TRPM2: variants seen among roughly 807,000 people sequenced by gnomAD.
The protein encoded by TRPM2 is transient receptor potential cation channel subfamily M member 2.
Under a neutral mutation model 174.0 loss-of-function variants are expected in TRPM2, and 161 were observed. The ratio of observed to expected loss-of-function variants is 0.93; its 90% CI spans 0.81 to 1.05. TRPM2 has a LOEUF of 1.05. TRPM2 is among the 50% of genes least tolerant of loss of function. The pLI is 0.00. For synonymous variants in TRPM2, 954 were observed against 861.3 expected (o/e 1.11, Z -1.88); for missense variants, 2,057 against 2,038.0 (o/e 1.01, Z -0.18).
chr21:44,427,163 G>A (rs755143503), intron 27 of TRPM2, 52 bp downstream of exon 27: 2 of 1,457,088 alleles, frequency 1.4e-6, no homozygotes, highest in Non-Finnish European at 1.9e-6. Flanking sequence ...GGTTTGCCTG[G>A]GGGGCAGGTT....
intron 22 of TRPM2, among the ~76,000 whole-genome samples, chr21:44,418,768 G>A (rs2050407413): frequency 6.6e-6 from 1 of 152,134 alleles, no homozygotes; most frequent in Non-Finnish European, 1.5e-5. Context: ...GGAAGGCTGG[G>A]CCCCACAGGG....
At chr21:44,419,978 GTGA>G (rs1350369635) in intron 22 of TRPM2, among the ~76,000 whole-genome samples, 1 of 151,978 alleles carries the variant, frequency 6.6e-6, no homozygotes, top group African/African-American at 2.4e-5. Flanking sequence ...TGTGGTGGTG[GTGA>G]TGATAGTGAT....
intron 27 of TRPM2, among the ~76,000 whole-genome samples, chr21:44,427,566 T>C (rs2050851396): frequency 6.6e-6 from 1 of 151,884 alleles, no homozygotes; most frequent in African/African-American, 2.4e-5. Flanking sequence ...AAAATAAAGG[T>C]GTCAAGTGTC....
intron 19 of TRPM2, among the ~76,000 whole-genome samples, chr21:44,412,203 C>T (rs931383619): frequency 1.3e-5 from 2 of 152,290 alleles, no homozygotes; most frequent in African/African-American, 4.8e-5. Context: ...GTAGAATTCA[C>T]CAGTGAACTC....
intron 8 of TRPM2, among the ~76,000 whole-genome samples, chr21:44,382,132 T>G (rs1602178338): frequency 1.3e-5 from 2 of 151,942 alleles, no homozygotes; most frequent in South Asian, 2.1e-4. Context: ...TAGATACATG[T>G]GGATGGATAG....
At chr21:44,416,903 C>T (rs920027126) in intron 20 of TRPM2, among the ~76,000 whole-genome samples, 4 of 138,966 alleles carry the variant, frequency 2.9e-5, no homozygotes, top group African/African-American at 1.1e-4. Context: ...CTCTCTGTGG[C>T]ATCACAGTGT....
intron 16 of TRPM2, 30 bp downstream of exon 16, chr21:44,401,927 A>G (rs763616002): frequency 1.9e-6 from 3 of 1,611,194 alleles, no homozygotes; most frequent in Non-Finnish European, 2.5e-6. Context: ...TCCACGCCCC[A>G]GCCCGGGGCC....
In TRPM2 at chr21:44,432,934, G is replaced by A. The variant is rs1005001346; in HGVS notation, c.3975-2197G>A. 6.6e-6 allele frequency among the ~76,000 whole-genome samples: 1 copy of A among 152,170 alleles called. No homozygotes were observed. Among genetic ancestry groups the A allele is most frequent in the Non-Finnish European group, 1.5e-5 (1 of 68,032 alleles). On this transcript the variant is annotated intron_variant, in intron 27 of 31. Transcript: ENST00000397928. This position sits in a 1 kb window ranked among gnomAD's most constrained non-coding sequence, Gnocchi z 4.9. The stretch of plus-strand genomic sequence containing the variant: ...CTTGATGTCGTGATGGAACTACCGG[G>A]CACGTGGCAGGGAGATGAGGGGTTG...
intron 2 of TRPM2, among the ~76,000 whole-genome samples, chr21:44,361,870 G>A (rs1034109878): frequency 2.6e-5 from 4 of 152,006 alleles, no homozygotes; most frequent in African/African-American, 7.2e-5. Flanking sequence ...CACCATGCCC[G>A]GTTAATTTTT....
At chr21:44,393,502 G>A (rs1411660983) in intron 11 of TRPM2, among the ~76,000 whole-genome samples, 2 of 152,020 alleles carry the variant, frequency 1.3e-5, no homozygotes, top group African/African-American at 4.8e-5. Flanking sequence ...TTATTTGGGG[G>A]GCTATATTTG....
chr21:44,441,621 G>T, intron 31 of TRPM2, 71 bp from the exon 32 acceptor site: 1 of 1,512,432 alleles, frequency 6.6e-7, no homozygotes, highest in Non-Finnish European at 8.9e-7. Flanking sequence ...CTCGAAGGCT[G>T]CAGTCCGTAG....
At chr21:44,429,490 T>C (rs989830754) in intron 27 of TRPM2, among the ~76,000 whole-genome samples, 3 of 151,958 alleles carry the variant, frequency 2.0e-5, no homozygotes, top group Admixed American at 1.3e-4. Context: ...TTTCACCATG[T>C]TGGCCAGGCT....
Position 44,376,066 on chromosome 21 carries a change from C to A in TRPM2, c.952+53C>A. On this transcript the variant is annotated intron_variant, in intron 6 of 31. Transcript: ENST00000397928. This position sits in a 1 kb window ranked among gnomAD's most constrained non-coding sequence, Gnocchi z 4.2. The stretch of plus-strand genomic sequence containing the variant: ...TGGGCAGAGAGCACAGTGGGCTGGT[C>A]AGAGTGTCAGGTACAGCTGGTCACG... 1 of 1,583,262 alleles carries A rather than the reference C, an allele frequency of 6.3e-7. No homozygotes were observed. The highest frequency in any genetic ancestry group is 1.1e-5 in the South Asian group (1 of 87,042).
chr21:44,439,282 A>T lies in TRPM2; in HGVS notation c.4269+114A>T, dbSNP rs2051400097. 1.1e-6 allele frequency: 1 copy of T among 907,246 alleles called. No individual in the cohort carries two copies. The highest frequency in any genetic ancestry group is 1.5e-5 in the South Asian group (1 of 66,730). 56.2% of individuals were successfully genotyped at this position (907,246 alleles called of 1,614,324 possible). A position where few individuals can be genotyped will look rare whatever the true frequency, so the allele number is the denominator to read the frequency against. ...CCACTGGGTGGCAGCGGTCCCACCC[A>T]GCTTCACCAGGTGACGGTGGTCCCA... On this transcript the variant is annotated intron_variant, in intron 30 of 31. Transcript: ENST00000397928. This position sits in a 1 kb window ranked among gnomAD's most constrained non-coding sequence, Gnocchi z 5.1.
Position 44,418,528 on chromosome 21 carries a change from A to G in TRPM2, c.3434A>G (p.Glu1145Gly). The G allele has an allele frequency of 1.2e-6, 2 of 1,614,114 alleles. No individual in the cohort carries two copies. Among genetic ancestry groups the G allele is most frequent in the East Asian group, 2.2e-5 (1 of 44,876 alleles). ...NRQFQQKQRP[E>G]QKIEDISNKV... ...CAGTTCCAGCAAAAGCAGCGGCCCG[A>G]GCAGAAGATCGAGGACATCAGCAAT... Residue 1145 changes from glutamate to glycine, a missense_variant, in exon 22 of 32, where the codon GAG becomes GGG. By Grantham distance (98) the Glu-to-Gly change is moderately conservative. Coordinates refer to ENST00000397928, the MANE Select transcript of TRPM2 (RefSeq NM_003307.4).
Position 44,441,763 on chromosome 21 carries a change from G to A in TRPM2, c.4458G>A (p.Ala1486=), listed in dbSNP as rs771699014. The A allele has an allele frequency of 2.6e-5, 42 of 1,611,940 alleles. No homozygotes were observed. The highest frequency in any genetic ancestry group is 8.8e-5 in the South Asian group (8 of 90,436). Residue 1486 remains alanine, a synonymous_variant, in exon 32 of 32, where the codon GCG becomes GCA. Transcript: ENST00000397928. ...QVVDRRIPLY[A]NHKTLLQKAA... is the part of the protein sequence containing the mutation. ...TGGACAGGCGCATCCCACTCTATGC[G>A]AACCACAAGACCCTCCTCCAGAAGG...
At chr21:44,436,780 A>C (rs1053979968) in intron 28 of TRPM2, among the ~76,000 whole-genome samples, 2 of 152,008 alleles carry the variant, frequency 1.3e-5, no homozygotes, top group African/African-American at 4.8e-5. Flanking sequence ...GCTGGGTCAA[A>C]GGGCAGGTAC....
At chr21:44,405,580 G>GGCTCCCTACCCACA (rs2049841000) in intron 17 of TRPM2, among the ~76,000 whole-genome samples, 1 of 152,092 alleles carries the variant, frequency 6.6e-6, no homozygotes, top group Non-Finnish European at 1.5e-5. Context: ...TCCCTACTGT[G>GGCTCCCTACCCACA]GGCTCACTGC....
In TRPM2 at chr21:44,432,165, T is replaced by TG. The variant is rs1458216493; in HGVS notation, c.3975-2960dup. ...GCTGTTGTAACTAAGTACCACAAAC[T>TG]GGGGGGCTTAACAGAAATGGATTAT... is the stretch of plus-strand genomic sequence containing the variant. On this transcript the variant is annotated intron_variant, in intron 27 of 31. Transcript: ENST00000397928. The surrounding 1 kb of genome is among the most constrained non-coding windows in gnomAD (Gnocchi z 4.9). Among the ~76,000 whole-genome samples, 1 of 152,156 alleles carries TG rather than the reference T, an allele frequency of 6.6e-6. No homozygotes were observed. Among genetic ancestry groups the TG allele is most frequent in the Admixed American group, 6.5e-5 (1 of 15,272 alleles).
Sources: allele counts gnomAD v4.1 joint callset (sites outside exome capture counted in the v4.1 genomes callset), GRCh38; gene constraint gnomAD v4.1.1; non-coding constraint Gnocchi (gnomAD v3.1); transcripts MANE v1.5; gene names NCBI Gene and HGNC (gene_info 2026-07-23, HGNC 2026-07-21).